Variants in NBEA observed in about 807,000 individuals in gnomAD.
The protein encoded by NBEA is lysosomal-trafficking regulator 2.
In NBEA, 44 loss-of-function variants were observed where a neutral mutation model predicts 343.4. That is an observed-to-expected ratio of 0.13 (90% CI 0.10 to 0.16). NBEA has a LOEUF of 0.16. NBEA is among the 10% of genes least tolerant of loss of function. NBEA has a pLI of 1.00. For synonymous variants in NBEA, 1,175 were observed against 1,238.7 expected (o/e 0.95, Z 1.08); for missense variants, 2,555 against 3,631.3 (o/e 0.70, Z 7.62).
chr13:35,074,629 A>G (rs2064031685), intron 10 of NBEA, among the ~76,000 whole-genome samples: 1 of 152,150 alleles, frequency 6.6e-6, no homozygotes, highest in Non-Finnish European at 1.5e-5. Context: ...ATGGGTGTGT[A>G]GTAGTGGTAC....
intron 41 of NBEA, among the ~76,000 whole-genome samples, chr13:35,544,302 A>G (rs1332981717): frequency 6.6e-6 from 1 of 152,218 alleles, no homozygotes. Flanking sequence ...CAAAGAAAAA[A>G]AATTTGTAAT....
At chr13:35,017,494 T>C (rs1332585888) in intron 1 of NBEA, among the ~76,000 whole-genome samples, 1 of 152,206 alleles carries the variant, frequency 6.6e-6, no homozygotes. Context: ...TCAGTCTTTT[T>C]GATTTGAATC....
chr13:35,219,897 T>C (rs2074269426), intron 33 of NBEA, among the ~76,000 whole-genome samples: 1 of 152,130 alleles, frequency 6.6e-6, no homozygotes, highest in Admixed American at 6.6e-5. Flanking sequence ...GAGGGCAGTC[T>C]ACCTATTCAA....
intron 1 of NBEA, among the ~76,000 whole-genome samples, chr13:34,950,476 A>G (rs779974394): frequency 2.2e-4 from 33 of 151,954 alleles, no homozygotes; most frequent in Non-Finnish European, 4.0e-4. Context: ...TTGTGCCCCA[A>G]TATTCTAAAT....
chr13:35,049,220 A>C (rs929553681), intron 5 of NBEA, among the ~76,000 whole-genome samples: 2 of 151,920 alleles, frequency 1.3e-5, no homozygotes, highest in Non-Finnish European at 2.9e-5. Context: ...TATGCCAGTA[A>C]TACACAGTAC....
chr13:35,171,672 G>T (rs545756892), intron 26 of NBEA, among the ~76,000 whole-genome samples: 3 of 152,000 alleles, frequency 2.0e-5, no homozygotes, highest in Non-Finnish European at 2.9e-5. Flanking sequence ...CATCTTTAAT[G>T]GTTCATAGTT....
At chr13:35,415,382 C>A (rs2043841875) in intron 38 of NBEA, among the ~76,000 whole-genome samples, 1 of 152,188 alleles carries the variant, frequency 6.6e-6, no homozygotes, top group Non-Finnish European at 1.5e-5. Context: ...ACATTTAAGT[C>A]TTTAATCCAT....
intron 34 of NBEA, among the ~76,000 whole-genome samples, chr13:35,249,873 C>T (rs890987214): frequency 6.6e-6 from 1 of 152,136 alleles, no homozygotes; most frequent in African/African-American, 2.4e-5. Context: ...GTAGTATATA[C>T]ATACAATGGA....
intron 27 of NBEA, among the ~76,000 whole-genome samples, chr13:35,174,517 C>A (rs568475590): frequency 1.3e-5 from 2 of 152,250 alleles, no homozygotes; most frequent in African/African-American, 4.8e-5. Context: ...TTGCTTTAAA[C>A]TTCTGCAGAT....
intron 1 of NBEA, among the ~76,000 whole-genome samples, chr13:34,969,374 GTTTTATT>G (rs1015825352): frequency 2.6e-5 from 4 of 151,222 alleles, no homozygotes; most frequent in Admixed American, 1.3e-4. Flanking sequence ...TGGCTTGATA[GTTTTATT>G]TTTTATTTTT....
intron 36 of NBEA, among the ~76,000 whole-genome samples, chr13:35,332,644 C>A (rs112996528): frequency 0.017 from 2,588 of 151,738 alleles, 49 homozygotes; most frequent in African/African-American, 0.042. Flanking sequence ...TTGGATAACA[C>A]CAATGGAAAA....
At chr13:35,277,428 C>G (rs2034671125) in intron 34 of NBEA, among the ~76,000 whole-genome samples, 1 of 151,808 alleles carries the variant, frequency 6.6e-6, no homozygotes, top group Non-Finnish European at 1.5e-5. Flanking sequence ...TCCAGACCAG[C>G]CTGACCAACA....
intron 10 of NBEA, among the ~76,000 whole-genome samples, chr13:35,097,230 A>G (rs1472877298): frequency 6.6e-6 from 1 of 151,848 alleles, no homozygotes; most frequent in East Asian, 1.9e-4. Context: ...AAAAATTAGA[A>G]TAACTTCAGA....
In NBEA at chr13:35,518,345, AT is replaced by A. The variant is rs1187822684; in HGVS notation, c.6586-32131del. 4.6e-5 allele frequency among the ~76,000 whole-genome samples: 7 copies of A among 152,358 alleles called. No homozygotes were observed. The South Asian group carries it at 1.2e-3, about 27-fold the overall frequency. Reference sequence around the variant, plus strand: ...CAACTATAAAATGTAGGTACTATTTATCCCCATTTAACAAATATGGAAGCAG... The same window carrying A: ...CAACTATAAAATGTAGGTACTATTTACCCCATTTAACAAATATGGAAGCAG... On this transcript the variant is annotated intron_variant, in intron 41 of 58. Coordinates refer to ENST00000379939, the MANE Select transcript of NBEA (RefSeq NM_001385012.1).
At chr13:35,594,744 G>A (rs7989897) in intron 47 of NBEA, among the ~76,000 whole-genome samples, 34,013 of 151,602 alleles carry the variant, frequency 0.22, 4,006 homozygotes, top group African/African-American at 0.25. Context: ...GAGTCCATAG[G>A]CTCCCATTGA....
At chr13:35,353,539 A>G (rs1026056227) in intron 38 of NBEA, among the ~76,000 whole-genome samples, 8 of 152,138 alleles carry the variant, frequency 5.3e-5, no homozygotes, top group Non-Finnish European at 8.8e-5. Context: ...TTAAAACTTT[A>G]TTAATTTTGG....
At chr13:34,981,561 C>T (rs753015062) in intron 1 of NBEA, among the ~76,000 whole-genome samples, 26 of 152,052 alleles carry the variant, frequency 1.7e-4, no homozygotes, top group Non-Finnish European at 3.4e-4. Flanking sequence ...TTCCATCTTG[C>T]GTATTGCTGG....
intron 38 of NBEA, among the ~76,000 whole-genome samples, chr13:35,394,962 G>T (rs1594468838): frequency 6.6e-6 from 1 of 151,940 alleles, no homozygotes; most frequent in Non-Finnish European, 1.5e-5. Context: ...TACTTCCTTT[G>T]TTGAGTTTCA....
chr13:35,615,129 C>CAAAAAAAAAAAAAAAAAAAA (rs34475826), intron 48 of NBEA, among the ~76,000 whole-genome samples: 2 of 110,978 alleles, frequency 1.8e-5, no homozygotes, highest in African/African-American at 3.5e-5. Flanking sequence ...ACTAAAAATA[C>CAAAAAAAAAAAAAAAAAAAA]AAAAAAAAAA....
Sources: gnomAD v4.1 joint callset for allele counts (sites outside exome capture counted in the v4.1 genomes callset) on GRCh38, gnomAD v4.1.1 for gene constraint, MANE v1.5 for transcripts, NCBI Gene and HGNC (gene_info 2026-07-23, HGNC 2026-07-21) for gene names.